The following ADNP2 variants were observed in gnomAD, a reference collection of about 807,000 sequenced individuals.
ADNP2 encodes the protein ADNP homeobox 2.
In ADNP2, 8 loss-of-function variants were observed where a neutral mutation model predicts 16.4. That is an observed-to-expected ratio of 0.49 (90% CI 0.29 to 0.88). The LOEUF (loss-of-function observed/expected upper bound fraction) is 0.88, where lower values mean the gene tolerates loss of function less well. Among genes scored for constraint, ADNP2 ranks in the 40% least tolerant of loss-of-function variants. ADNP2 has a pLI of 0.09. For missense variants in ADNP2, 1,397 were observed against 1,395.1 expected (o/e 1.00, Z -0.02); for synonymous variants, 637 against 545.8 (o/e 1.17, Z -2.33).
Position 80,136,545 on chromosome 18 carries a change from G to C in ADNP2, c.1132G>C (p.Val378Leu), listed in dbSNP as rs1701144765. The stretch of plus-strand genomic sequence containing the variant: ...TCCTGTGTTGCCCTTGAGTCAGCCA[G>C]TCGGACCTGTCAATAAGTCTGTTGG... ...NPPVLPLSQPVGPVNKSVGTS... is the reference protein window; with the variant it reads ...NPPVLPLSQPLGPVNKSVGTS... The change falls in exon 4 of 4, where the codon GTC (valine) becomes CTC (leucine). Residue 378 changes from valine (V) to leucine (L), a missense_variant. Physicochemically the swap from Val to Leu is conservative, Grantham distance 32. Transcript: ENST00000262198. 6.2e-7 allele frequency: 1 copy of C among 1,614,234 alleles called. No individual in the cohort carries two copies. Among genetic ancestry groups the C allele is most frequent in the Non-Finnish European group, 8.5e-7 (1 of 1,180,052 alleles).
chr18:80,116,659 T>C (rs9957987), intron 1 of ADNP2, among the ~76,000 whole-genome samples: 27,517 of 152,074 alleles, frequency 0.18, 2,762 homozygotes, highest in Middle Eastern at 0.25. Flanking sequence ...TGTTTTAAGA[T>C]AGGGTCTCAC....
intron 1 of ADNP2, chr18:80,109,983 G>C (rs941041984): frequency 6.5e-6 from 1 of 152,838 alleles, no homozygotes; most frequent in African/African-American, 2.4e-5. Flanking sequence ...TCTCCTGGAA[G>C]CTTCTCTCTG....
At position 80,118,210 on chromosome 18, in the gene ADNP2, A is replaced by G. The variant is rs867229329; in HGVS notation, c.108+560A>G. 3.3e-5 allele frequency among the ~76,000 whole-genome samples: 5 copies of G among 152,288 alleles called. 1 individual carries two copies. The Middle Eastern group carries it at 0.01, about 311-fold the overall frequency. On this transcript the variant is annotated intron_variant, in intron 2 of 3. Coordinates refer to ENST00000262198, the MANE Select transcript of ADNP2 (RefSeq NM_014913.4). The stretch of plus-strand genomic sequence containing the variant: ...GAGGCTGAGGTGGATGGATCATTTG[A>G]GGTCAGGAGTTCGAGACCAGCCTGG...
At chr18:80,130,782 C>T (rs1165692979) in intron 2 of ADNP2, among the ~76,000 whole-genome samples, 1 of 138,944 alleles carries the variant, frequency 7.2e-6, no homozygotes, top group African/African-American at 2.7e-5. Flanking sequence ...AGTTGGAGCT[C>T]TCTGCGTTAT....
chr18:80,130,451 T>A (rs1040513236), intron 2 of ADNP2, among the ~76,000 whole-genome samples: 1 of 152,204 alleles, frequency 6.6e-6, no homozygotes, highest in Admixed American at 6.5e-5. Flanking sequence ...TTTGTATGAC[T>A]ACACTTTCTA....
Position 80,137,568 on chromosome 18 carries a change from A to T in ADNP2, c.2155A>T (p.Ser719Cys). Residue 719 changes from serine to cysteine, a missense_variant, in exon 4 of 4, where the codon AGC (serine) becomes TGC (cysteine). By Grantham distance (112) the Ser-to-Cys change is moderately radical. This residue lies in a region of ADNP2 where 611 missense variants were observed against 648.7 expected (regional missense o/e 0.94). Transcript: ENST00000262198. The surrounding 1 kb of genome is among the most constrained non-coding windows in gnomAD (Gnocchi z 4.2). ...QVHMEVAHKH[S>C]ESKSGEKLEP... Reference sequence around the variant, plus strand: ...CCACATGGAGGTAGCGCATAAGCACAGCGAGTCCAAGTCTGGTGAGAAACT... The same window carrying T: ...CCACATGGAGGTAGCGCATAAGCACTGCGAGTCCAAGTCTGGTGAGAAACT... The T allele has an allele frequency of 6.2e-7, 1 of 1,614,244 alleles. No homozygotes were observed. Among genetic ancestry groups the T allele is most frequent in the Non-Finnish European group, 8.5e-7 (1 of 1,180,038 alleles).
chr18:80,129,095 C>CTTT lies in ADNP2; in HGVS notation c.109-4001_109-3999dup, dbSNP rs1424348931. On this transcript the variant is annotated intron_variant, in intron 2 of 3. Coordinates refer to ENST00000262198, the MANE Select transcript of ADNP2 (RefSeq NM_014913.4). ...CAGATTTCTTCAGTTTTACCCAGAA[C>CTTT]TTTTTTTTTGTTTTTTTTTTTTTTT... is the stretch of plus-strand genomic sequence containing the variant. 1.4e-4 allele frequency among the ~76,000 whole-genome samples: 19 copies of CTTT among 132,208 alleles called. 1 individual carries two copies. Among genetic ancestry groups the CTTT allele is most frequent in the Non-Finnish European group, 1.6e-4 (10 of 62,386 alleles). The allele number at this position is 132,208 out of a possible 152,430, so 86.7% of individuals were successfully genotyped here.
At chr18:80,126,880 GA>G (rs1456051533) in intron 2 of ADNP2, among the ~76,000 whole-genome samples, 2 of 152,160 alleles carry the variant, frequency 1.3e-5, no homozygotes, top group Non-Finnish European at 2.9e-5. Context: ...ACCACGGTTT[GA>G]AAATATTATA....
intron 1 of ADNP2, among the ~76,000 whole-genome samples, chr18:80,115,953 T>A (rs1271206171): frequency 1.3e-5 from 2 of 152,138 alleles, no homozygotes; most frequent in Non-Finnish European, 2.9e-5. Flanking sequence ...TTAGTAGAGA[T>A]GGGGCTTCAC....
chr18:80,132,509 A>G (rs747232054), intron 2 of ADNP2, among the ~76,000 whole-genome samples: 1 of 152,136 alleles, frequency 6.6e-6, no homozygotes, highest in African/African-American at 2.4e-5. Flanking sequence ...AGGGATGACT[A>G]TACTTTCATT....
intron 2 of ADNP2, among the ~76,000 whole-genome samples, chr18:80,121,774 C>T: frequency 6.6e-6 from 1 of 152,194 alleles, no homozygotes; most frequent in East Asian, 1.9e-4. Context: ...CGTTTCAGCA[C>T]CGTTTCTTCT....
At chr18:80,113,527 G>T (rs1468494349) in intron 1 of ADNP2, among the ~76,000 whole-genome samples, 1 of 152,034 alleles carries the variant, frequency 6.6e-6, no homozygotes, top group African/African-American at 2.4e-5. Flanking sequence ...TATTCACCTT[G>T]TATGTCTTGG....
rs535085473 is a variant in ADNP2 at position 80,137,807 on chromosome 18, G to A, written c.2394G>A (p.Lys798=). The change falls in exon 4 of 4, where the codon AAG becomes AAA. Residue 798 remains lysine (K), a synonymous_variant. Transcript: ENST00000262198. The surrounding 1 kb of genome is among the most constrained non-coding windows in gnomAD (Gnocchi z 4.2). ...GGAATAGGCACCTGGGGAAGAAGAA[G>A]TTGCCTATGGATTATAGCAACAGAG... ...HSRNRHLGKK[K]LPMDYSNRGF... is the part of the protein sequence containing the mutation. 2.5e-6 allele frequency: 4 copies of A among 1,614,168 alleles called. No individual in the cohort carries two copies. In the African/African-American group the frequency reaches 5.3e-5, roughly 22 times the overall value.
At position 80,137,192 on chromosome 18, in the gene ADNP2, G is replaced by A; in HGVS notation, c.1779G>A (p.Leu593=). The A allele has an allele frequency of 6.2e-7, 1 of 1,614,208 alleles. No individual in the cohort carries two copies. Among genetic ancestry groups the A allele is most frequent in the African/African-American group, 1.3e-5 (1 of 75,054 alleles). ...RPGASQNTTF[L]TSGSILRQLI... is the part of the protein sequence containing the mutation. ...GTGCTTCGCAGAACACCACCTTCCT[G>A]ACATCAGGCTCTATTCTCAGACAGC... Residue 593 remains leucine, a synonymous_variant, in exon 4 of 4, where the codon CTG becomes CTA. Transcript: ENST00000262198. This position sits in a 1 kb window ranked among gnomAD's most constrained non-coding sequence, Gnocchi z 4.2.
At chr18:80,119,413 C>CA (rs5826687) in intron 2 of ADNP2, among the ~76,000 whole-genome samples, 1,137 of 113,616 alleles carry the variant, frequency 0.01, 11 homozygotes, top group Middle Eastern at 0.034. Flanking sequence ...GACTCCGTCT[C>CA]AAAAAAAAAA....
chr18:80,122,939 G>A (rs886565772), intron 2 of ADNP2, among the ~76,000 whole-genome samples: 8 of 152,020 alleles, frequency 5.3e-5, no homozygotes, highest in Admixed American at 4.6e-4. Flanking sequence ...ATGTTAATGG[G>A]TTTCTCAGAA....
At chr18:80,131,626 C>T (rs1490937556) in intron 2 of ADNP2, among the ~76,000 whole-genome samples, 1 of 148,506 alleles carries the variant, frequency 6.7e-6, no homozygotes, top group Non-Finnish European at 1.5e-5. Flanking sequence ...GCACAACGTG[C>T]AGGTTTGTTG....
At chr18:80,123,123 A>G (rs1331776356) in intron 2 of ADNP2, among the ~76,000 whole-genome samples, 1 of 152,038 alleles carries the variant, frequency 6.6e-6, no homozygotes, top group Admixed American at 6.6e-5. Context: ...AATTACATTG[A>G]TATATTTTCT....
At position 80,137,292 on chromosome 18, in the gene ADNP2, C is replaced by A. The variant is rs2052546215; in HGVS notation, c.1879C>A (p.Pro627Thr). The A allele has an allele frequency of 1.2e-6, 2 of 1,613,970 alleles. No individual in the cohort carries two copies. Among genetic ancestry groups the A allele is most frequent in the Admixed American group, 1.7e-5 (1 of 59,998 alleles). Residue 627 changes from proline (P) to threonine (T), a missense_variant, in exon 4 of 4, where the codon CCC (proline) becomes ACC (threonine). This residue lies in a region of ADNP2 where 611 missense variants were observed against 648.7 expected (regional missense o/e 0.94). Transcript: ENST00000262198. The surrounding 1 kb of genome is among the most constrained non-coding windows in gnomAD (Gnocchi z 4.2). ...LAPVSVTLPVPPGGLATVAPP... is the reference protein window; with the variant it reads ...LAPVSVTLPVTPGGLATVAPP... ...CCCCGTGTCTGTCACTCTGCCGGTT[C>A]CCCCTGGAGGCCTTGCGACTGTCGC...
Sources: allele counts gnomAD v4.1 joint callset (sites outside exome capture counted in the v4.1 genomes callset), GRCh38; gene constraint gnomAD v4.1.1; regional missense constraint gnomAD v4.1.1; non-coding constraint Gnocchi (gnomAD v3.1); transcripts MANE v1.5; gene names NCBI Gene and HGNC (gene_info 2026-07-23, HGNC 2026-07-21).